NOD1: variants seen among roughly 807,000 people sequenced by gnomAD.
NOD1 encodes the protein nucleotide-binding oligomerization domain-containing protein 1.
A neutral mutation model predicts 81.2 loss-of-function variants in NOD1; 70 were observed. The ratio of observed to expected loss-of-function variants is 0.86; its 90% confidence interval spans 0.71 to 1.05. NOD1 has a LOEUF of 1.05. NOD1 is among the 50% of genes least tolerant of loss of function. The pLI, the probability that NOD1 is intolerant of heterozygous loss-of-function variation, is 0.00. For synonymous variants in NOD1, 508 were observed against 526.9 expected (o/e 0.96, Z 0.49); for missense variants, 1,233 against 1,228.0 (o/e 1.00, Z -0.06).
intron 1 of NOD1, among the ~76,000 whole-genome samples, chr7:30,476,570 G>A (rs924692519): frequency 1.3e-5 from 2 of 152,194 alleles, no homozygotes; most frequent in East Asian, 1.9e-4. Flanking sequence ...AGCAACGTGC[G>A]TGTGTGTGCA....
rs1783368205 is a variant in NOD1 at position 30,425,508 on chromosome 7, T to C, written c.*130A>G. ...CTGCACAGGAAGCTGGCTTGCATCA[T>C]GGAGGCAGTGGACTCCTGATAGTCC... On this transcript the variant is annotated 3_prime_UTR_variant, in exon 14 of 14. Transcript: ENST00000222823. The C allele has an allele frequency of 4.2e-6, 3 of 706,612 alleles. No individual in the cohort carries two copies. The highest frequency in any genetic ancestry group is 7.7e-6 in the Non-Finnish European group (3 of 388,880). The allele number at this position is 706,612 out of a possible 1,614,324, so 43.8% of individuals were successfully genotyped here.
intron 13 of NOD1, among the ~76,000 whole-genome samples, chr7:30,428,214 G>A (rs1168898273): frequency 1.3e-5 from 2 of 152,076 alleles, no homozygotes; most frequent in African/African-American, 4.8e-5. Context: ...GGGACTACAG[G>A]CACATAGCAC....
chr7:30,430,415 G>A (rs1783850163), intron 12 of NOD1, among the ~76,000 whole-genome samples: 2 of 152,150 alleles, frequency 1.3e-5, no homozygotes, highest in East Asian at 1.9e-4. Context: ...TAGTGTCTCC[G>A]CTTCATCACA....
chr7:30,431,105 C>T (rs975919105), intron 12 of NOD1, among the ~76,000 whole-genome samples: 3 of 152,238 alleles, frequency 2.0e-5, no homozygotes, highest in Non-Finnish European at 4.4e-5. Context: ...CATCCACCCA[C>T]TCGGGCTGCC....
intron 12 of NOD1, among the ~76,000 whole-genome samples, chr7:30,432,806 A>T (rs1264902858): frequency 6.6e-6 from 1 of 152,256 alleles, no homozygotes; most frequent in Non-Finnish European, 1.5e-5. Context: ...ATATTGCTTG[A>T]TTCCATTTAT....
rs766044154 is a variant in NOD1, at chr7:30,452,335, G to C, written c.1082C>G (p.Ala361Gly). The C allele has an allele frequency of 3.2e-5, 52 of 1,613,272 alleles. 1 individual carries two copies. The East Asian group carries it at 1.1e-3, about 33-fold the overall frequency. ...GGCCCGCTCGGGGAACATCCTCCTG[G>C]CATAGGCGCGCAGGTGGCTGGGGGA... ...GFSPSHLRAY[A>G]RRMFPERALQ... The change falls in exon 6 of 14, where the codon GCC becomes GGC. Residue 361 changes from alanine to glycine, a missense_variant. Coordinates refer to ENST00000222823, the MANE Select transcript of NOD1 (RefSeq NM_006092.4).
At chr7:30,466,336 C>A (rs1247791659) in intron 1 of NOD1, among the ~76,000 whole-genome samples, 23 of 152,130 alleles carry the variant, frequency 1.5e-4, no homozygotes, top group Admixed American at 1.5e-3. Flanking sequence ...AGGCTTTTAG[C>A]CATCACTGCT....
Position 30,428,242 on chromosome 7 carries a change from T to A in NOD1, c.2789+1132A>T, listed in dbSNP as rs1783632201. ...CATAGCACCATGTCGGGCTAATTTT[T>A]GTAGTGACGGGGTTTCGCATGTTGC... is the stretch of plus-strand genomic sequence containing the variant. On this transcript the variant is annotated intron_variant, in intron 13 of 13. Coordinates refer to ENST00000222823, the MANE Select transcript of NOD1 (RefSeq NM_006092.4). 2.0e-5 allele frequency among the ~76,000 whole-genome samples: 3 copies of A among 152,102 alleles called. No homozygotes were observed. The South Asian group carries it at 6.2e-4, about 32-fold the overall frequency.
At chr7:30,474,868 A>C (rs1322816371) in intron 1 of NOD1, among the ~76,000 whole-genome samples, 1 of 152,224 alleles carries the variant, frequency 6.6e-6, no homozygotes, top group Non-Finnish European at 1.5e-5. Flanking sequence ...ATTTGAAATC[A>C]TCAACACGCC....
At chr7:30,448,475 G>A (rs775571589) in intron 6 of NOD1, 94 bp from the exon 7 acceptor site, 11 of 1,101,082 alleles carry the variant, frequency 1.0e-5, no homozygotes, top group Non-Finnish European at 1.4e-5. Context: ...TTCAGGCCCT[G>A]GAGTTTTCTC....
chr7:30,433,848 C>T (rs1178979795), intron 11 of NOD1, among the ~76,000 whole-genome samples: 1 of 152,094 alleles, frequency 6.6e-6, no homozygotes, highest in Non-Finnish European at 1.5e-5. Context: ...TTTGGATGTG[C>T]CTGCCCAAAT....
chr7:30,463,314 A>C lies in NOD1; in HGVS notation c.-351-3273T>G, dbSNP rs138886212. Among the ~76,000 whole-genome samples the C allele has an allele frequency of 2.2e-4, 33 of 152,290 alleles. 1 individual carries two copies. In the East Asian group the frequency reaches 5.4e-3, roughly 25 times the overall value. On this transcript the variant is annotated intron_variant, in intron 1 of 13. Transcript: ENST00000222823. ...CAAAATAAAGTTTTTCCAGACAAAA[A>C]CTGAGACTTTGTTGCTACCGTATCT...
Position 30,451,660 on chromosome 7 carries a change from T to C in NOD1, c.1757A>G (p.Gln586Arg). Residue 586 changes from glutamine to arginine, a missense_variant, in exon 6 of 14, where the codon CAG becomes CGG. Physicochemically the swap from Gln to Arg is conservative, Grantham distance 43. Transcript: ENST00000222823. This position sits in a 1 kb window ranked among gnomAD's most constrained non-coding sequence, Gnocchi z 4.2. ...CCCGCACAGGAAGAGGTTGGTGAAC[T>C]GGAAGTGATCCTTGTTCTTGAAGAG... is the stretch of plus-strand genomic sequence containing the variant. Reference protein sequence around the residue: ...EDLFKNKDHFQFTNLFLCGLL... With the variant: ...EDLFKNKDHFRFTNLFLCGLL... 5.6e-6 allele frequency: 9 copies of C among 1,613,974 alleles called. No individual in the cohort carries two copies. Among genetic ancestry groups the C allele is most frequent in the Non-Finnish European group, 7.6e-6 (9 of 1,180,036 alleles).
intron 13 of NOD1, 38 bp from the exon 14 acceptor site, chr7:30,425,748 A>ATGTT (rs1183534954): frequency 7.0e-7 from 1 of 1,429,504 alleles, no homozygotes; most frequent in Non-Finnish European, 9.9e-7. Context: ...CACAGGTAAA[A>ATGTT]TGTTAAGGAT....
chr7:30,439,074 A>G lies in NOD1; in HGVS notation c.2454-1418T>C, dbSNP rs549264151. ...CTCATTAGGATGGGTACTGTCAAAAAGAGAAAATAGCAAGTGTTGGCAAGG... is the reference window on the plus strand; with the variant it reads ...CTCATTAGGATGGGTACTGTCAAAAGGAGAAAATAGCAAGTGTTGGCAAGG... On this transcript the variant is annotated intron_variant, in intron 9 of 13. Coordinates refer to ENST00000222823, the MANE Select transcript of NOD1 (RefSeq NM_006092.4). Among the ~76,000 whole-genome samples the G allele has an allele frequency of 5.3e-5, 8 of 152,360 alleles. 1 individual carries two copies. Among genetic ancestry groups the G allele is most frequent in the Admixed American group, 5.2e-4 (8 of 15,308 alleles).
chr7:30,435,576 T>C (rs1784310197), intron 11 of NOD1, among the ~76,000 whole-genome samples: 1 of 152,158 alleles, frequency 6.6e-6, no homozygotes, highest in Non-Finnish European at 1.5e-5. Context: ...CTGAAAGGCC[T>C]AGAGCCTTTC....
At chr7:30,430,283 T>G (rs1472314780) in intron 12 of NOD1, among the ~76,000 whole-genome samples, 4 of 152,182 alleles carry the variant, frequency 2.6e-5, no homozygotes, top group Non-Finnish European at 5.9e-5. Flanking sequence ...TTGTTCTGGG[T>G]AGCAGTGATT....
Position 30,433,168 on chromosome 7 carries a change from T to C in NOD1, c.2633A>G (p.Asn878Ser). The C allele has an allele frequency of 6.2e-7, 1 of 1,613,806 alleles. No individual in the cohort carries two copies. Residue 878 changes from asparagine (N) to serine (S), a missense_variant, in exon 12 of 14, where the codon AAT becomes AGT. Transcript: ENST00000222823. ...TSLEILWLTQ[N>S]ELNDEVAESL... ...CTCTGCCACTTCATCGTTGAGTTCATTTTGGGTCAGCCTAAGGAAAAAAAA... is the reference window on the plus strand; with the variant it reads ...CTCTGCCACTTCATCGTTGAGTTCACTTTGGGTCAGCCTAAGGAAAAAAAA...
Position 30,429,523 on chromosome 7 carries a change from G to C in NOD1, c.2706-66C>G, listed in dbSNP as rs1434636993. 2.9e-6 allele frequency: 4 copies of C among 1,386,370 alleles called. No individual in the cohort carries two copies. In the African/African-American group the frequency reaches 5.7e-5, roughly 20 times the overall value. The allele number at this position is 1,386,370 out of a possible 1,614,324, so 85.9% of individuals were successfully genotyped here. On this transcript the variant is annotated intron_variant, in intron 12 of 13. Transcript: ENST00000222823. Reference sequence around the variant, plus strand: ...GATCAAATTTGACCCCTTCGTAAGGGAGTTGCAAGGGTGTTTTGGGATAAG... The same window carrying C: ...GATCAAATTTGACCCCTTCGTAAGGCAGTTGCAAGGGTGTTTTGGGATAAG...
Sources: allele counts gnomAD v4.1 joint callset (sites outside exome capture counted in the v4.1 genomes callset), GRCh38; gene constraint gnomAD v4.1.1; non-coding constraint Gnocchi (gnomAD v3.1); transcripts MANE v1.5; gene names NCBI Gene and HGNC (gene_info 2026-07-23, HGNC 2026-07-21).